The following CDYL2 variants were observed in gnomAD, a reference collection of about 807,000 sequenced individuals.
The protein encoded by CDYL2 is chromodomain Y-like protein 2.
Under a neutral mutation model 49.4 loss-of-function variants are expected in CDYL2, and 23 were observed. The observed-to-expected ratio is 0.47, with a 90% CI of 0.34 to 0.66. The LOEUF is 0.66. Ranked by LOEUF, CDYL2 falls within the 30% of genes least tolerant of loss-of-function variation. The pLI, the probability that CDYL2 is intolerant of heterozygous loss-of-function variation, is 0.01. For missense variants in CDYL2, 678 were observed against 656.4 expected (o/e 1.03, Z -0.36); for synonymous variants, 360 against 268.8 (o/e 1.34, Z -3.32).
intron 1 of CDYL2, among the ~76,000 whole-genome samples, chr16:80,797,629 C>T (rs758055128): frequency 3.9e-5 from 6 of 152,156 alleles, no homozygotes; most frequent in African/African-American, 1.4e-4. Context: ...AACCCTGGTA[C>T]TGCCTAACTC....
intron 2 of CDYL2, among the ~76,000 whole-genome samples, chr16:80,665,065 A>T (rs899889310): frequency 1.3e-5 from 2 of 152,224 alleles, no homozygotes; most frequent in African/African-American, 4.8e-5. Context: ...GGTATACAAT[A>T]CTAGCTCACA....
chr16:80,621,047 A>T, intron 3 of CDYL2, 112 bp from the exon 4 acceptor site: 1 of 1,229,504 alleles, frequency 8.1e-7, no homozygotes, highest in Non-Finnish European at 1.1e-6. Flanking sequence ...AGGCCAGGGA[A>T]TCTGCTTCTG....
chr16:80,768,153 G>A (rs1358986530), intron 1 of CDYL2, among the ~76,000 whole-genome samples: 2 of 152,144 alleles, frequency 1.3e-5, no homozygotes, highest in Admixed American at 6.5e-5. Flanking sequence ...CACAGCCCAT[G>A]TTCTTAGTAA....
At chr16:80,649,324 C>A (rs1300896709) in intron 2 of CDYL2, among the ~76,000 whole-genome samples, 1 of 152,104 alleles carries the variant, frequency 6.6e-6, no homozygotes, top group Non-Finnish European at 1.5e-5. Flanking sequence ...AAATCAATAG[C>A]ATTTCTATAT....
At chr16:80,743,920 C>T (rs1009029842) in intron 1 of CDYL2, among the ~76,000 whole-genome samples, 2 of 152,010 alleles carry the variant, frequency 1.3e-5, no homozygotes, top group African/African-American at 2.4e-5. Flanking sequence ...TTAGTGGTTG[C>T]GGTGGTGGTG....
chr16:80,707,412 G>A (rs1567579028), intron 1 of CDYL2, among the ~76,000 whole-genome samples: 1 of 152,144 alleles, frequency 6.6e-6, no homozygotes, highest in Non-Finnish European at 1.5e-5. Context: ...AGTAAGCTAC[G>A]ATCGTACCAC....
chr16:80,725,017 A>T (rs1261731420), intron 1 of CDYL2, among the ~76,000 whole-genome samples: 1 of 152,184 alleles, frequency 6.6e-6, no homozygotes, highest in Non-Finnish European at 1.5e-5. Context: ...CATGGTCTAG[A>T]TGCCACCTGC....
intron 2 of CDYL2, among the ~76,000 whole-genome samples, chr16:80,644,175 G>C (rs1175496578): frequency 6.6e-6 from 1 of 152,092 alleles, no homozygotes; most frequent in Non-Finnish European, 1.5e-5. Context: ...CTAAGGCAGG[G>C]GCAAAATGCC....
chr16:80,767,615 C>G (rs912437998), intron 1 of CDYL2, among the ~76,000 whole-genome samples: 7 of 152,140 alleles, frequency 4.6e-5, no homozygotes, highest in African/African-American at 1.7e-4. Flanking sequence ...TCCCAAAAGA[C>G]TTTTCAGACA....
intron 1 of CDYL2, among the ~76,000 whole-genome samples, chr16:80,747,385 T>A (rs1008671244): frequency 3.9e-5 from 6 of 151,996 alleles, no homozygotes. Flanking sequence ...AGAATAAAAA[T>A]ACCTATACCT....
intron 2 of CDYL2, among the ~76,000 whole-genome samples, chr16:80,674,743 C>T (rs1466828779): frequency 6.6e-6 from 1 of 152,238 alleles, no homozygotes; most frequent in South Asian, 2.1e-4. Flanking sequence ...CACGTTGCCG[C>T]ATATGTCCAC....
chr16:80,792,690 CACCCAGGAGTATCA>C (rs1481076037), intron 1 of CDYL2, among the ~76,000 whole-genome samples: 1 of 152,148 alleles, frequency 6.6e-6, no homozygotes, highest in African/African-American at 2.4e-5. Context: ...CGTGATACTC[CACCCAGGAGTATCA>C]CGTATCCACC....
At chr16:80,648,428 C>T (rs990854561) in intron 2 of CDYL2, among the ~76,000 whole-genome samples, 1 of 152,020 alleles carries the variant, frequency 6.6e-6, no homozygotes, top group African/African-American at 2.4e-5. Flanking sequence ...TAGACACATA[C>T]AACCTACTAA....
intron 2 of CDYL2, among the ~76,000 whole-genome samples, chr16:80,683,561 T>C (rs975369666): frequency 1.9e-4 from 19 of 99,976 alleles, no homozygotes; most frequent in Non-Finnish European, 4.4e-4. Context: ...AGGCTGCCAA[T>C]CGAAAGAATT....
intron 1 of CDYL2, among the ~76,000 whole-genome samples, chr16:80,773,179 A>C (rs1160150124): frequency 2.0e-5 from 3 of 152,196 alleles, no homozygotes; most frequent in African/African-American, 7.2e-5. Context: ...TATTTTTTAA[A>C]ACAAAAAGTT....
intron 2 of CDYL2, among the ~76,000 whole-genome samples, chr16:80,650,894 C>G (rs915127155): frequency 1.4e-5 from 2 of 145,990 alleles, no homozygotes; most frequent in African/African-American, 5.1e-5. Flanking sequence ...CCTGATTTCA[C>G]TTATTTGTGG....
At chr16:80,750,647 A>T (rs1446491539) in intron 1 of CDYL2, among the ~76,000 whole-genome samples, 1 of 143,036 alleles carries the variant, frequency 7.0e-6, no homozygotes, top group East Asian at 2.0e-4. Context: ...TGACTAAGCT[A>T]ATAATCAGAA....
At chr16:80,716,975 T>C (rs1283776542) in intron 1 of CDYL2, among the ~76,000 whole-genome samples, 2 of 149,436 alleles carry the variant, frequency 1.3e-5, no homozygotes, top group Non-Finnish European at 3.0e-5. Flanking sequence ...GATGAGTGGA[T>C]AGATGATTAG....
chr16:80,718,565 C>T (rs1255149582), intron 1 of CDYL2, among the ~76,000 whole-genome samples: 1 of 152,146 alleles, frequency 6.6e-6, no homozygotes. Flanking sequence ...ATTTACTGCT[C>T]CGTGACAAGG....
Sources: gnomAD v4.1 joint callset for allele counts (sites outside exome capture counted in the v4.1 genomes callset) on GRCh38, gnomAD v4.1.1 for gene constraint, MANE v1.5 for transcripts, NCBI Gene and HGNC (gene_info 2026-07-23, HGNC 2026-07-21) for gene names.